OPRM1: variants seen among roughly 807,000 people sequenced by gnomAD.
The protein encoded by OPRM1 is mu-type opioid receptor.
Under a neutral mutation model 31.8 loss-of-function variants are expected in OPRM1, and 27 were observed. That is an observed-to-expected ratio of 0.85 (90% CI 0.63 to 1.17). The LOEUF is 1.17. Among genes scored for constraint, OPRM1 ranks in the 50% most tolerant of loss-of-function variants. The pLI is 0.00. For synonymous variants in OPRM1, 196 were observed against 189.9 expected, an observed-to-expected ratio of 1.03 and a Z score of -0.26; for missense variants, 536 against 511.1, an observed-to-expected ratio of 1.05 and a Z score of -0.47.
At chr6:154,233,173 T>G (rs1779858005) in intron 3 of OPRM1, among the ~76,000 whole-genome samples, 1 of 152,168 alleles carries the variant, frequency 6.6e-6, no homozygotes, top group South Asian at 2.1e-4. Context: ...TTCGCCATAT[T>G]GGCCAGACTG....
chr6:154,038,914 C>G (rs1018043435), upstream of OPRM1, among the ~76,000 whole-genome samples: 1 of 152,154 alleles, frequency 6.6e-6, no homozygotes, highest in Non-Finnish European at 1.5e-5. Flanking sequence ...ACGGAGGCAA[C>G]AAGGACTGCA....
chr6:154,116,514 G>A (rs1266914775), intron 3 of OPRM1, among the ~76,000 whole-genome samples: 1 of 151,590 alleles, frequency 6.6e-6, no homozygotes, highest in Admixed American at 6.6e-5. Flanking sequence ...GAATCTGGGA[G>A]GTGGAGGTTG....
intron 3 of OPRM1, among the ~76,000 whole-genome samples, chr6:154,103,850 C>G (rs952680308): frequency 2.0e-5 from 3 of 152,132 alleles, no homozygotes; most frequent in Non-Finnish European, 4.4e-5. Flanking sequence ...TTTTGGCCGG[C>G]TCCTTTACTG....
intron 3 of OPRM1, among the ~76,000 whole-genome samples, chr6:154,229,776 G>T (rs1341810935): frequency 6.6e-6 from 1 of 152,174 alleles, no homozygotes; most frequent in Non-Finnish European, 1.5e-5. Context: ...CATGCAAATC[G>T]TTATAACAGC....
At chr6:154,108,137 G>A (rs1300920768) in intron 3 of OPRM1, 10 of 564,556 alleles carry the variant, frequency 1.8e-5, no homozygotes, top group South Asian at 8.2e-5. Flanking sequence ...CATCGCCTAC[G>A]GGCCAAGCTG....
chr6:154,209,823 GA>G (rs968176404), intron 3 of OPRM1, among the ~76,000 whole-genome samples: 80 of 151,830 alleles, frequency 5.3e-4, no homozygotes, highest in Middle Eastern at 3.4e-3. Context: ...TTCTAAGGGG[GA>G]AAAAAAATCT....
chr6:154,030,334 T>C (rs1015433212), intron 1 of OPRM1, among the ~76,000 whole-genome samples: 3 of 152,190 alleles, frequency 2.0e-5, no homozygotes, highest in Admixed American at 2.0e-4. Flanking sequence ...CTGGGGATTT[T>C]AGAACTTTTC....
At chr6:154,213,005 G>T (rs1284847112) in intron 3 of OPRM1, 1 of 629,968 alleles carries the variant, frequency 1.6e-6, no homozygotes, top group Non-Finnish European at 2.9e-6. Context: ...ACTACCTGGT[G>T]CAAAGGAATT....
At chr6:154,228,628 A>G (rs1779461349) in intron 3 of OPRM1, among the ~76,000 whole-genome samples, 1 of 152,196 alleles carries the variant, frequency 6.6e-6, no homozygotes, top group South Asian at 2.1e-4. Flanking sequence ...ACATATTTTT[A>G]TGAAAATGGC....
Position 154,039,253 on chromosome 6 carries a change from A to G in OPRM1, c.-292A>G, listed in dbSNP as rs1779525332. 6.4e-7 allele frequency: 1 copy of G among 1,551,392 alleles called. No homozygotes were observed. Among genetic ancestry groups the G allele is most frequent in the Admixed American group, 2.0e-5 (1 of 50,972 alleles). ...CCCTTTTCCCTCCTCCCTCCCTTCC[A>G]GCCTCCGAATCCCGCATGGCCCACG... On this transcript the variant is annotated 5_prime_UTR_variant, in exon 1 of 4. Transcript: ENST00000330432.
At chr6:154,116,596 A>AAAAAAG (rs1478193514) in intron 3 of OPRM1, among the ~76,000 whole-genome samples, 2 of 151,898 alleles carry the variant, frequency 1.3e-5, no homozygotes, top group African/African-American at 4.8e-5. Flanking sequence ...AAAAAAAAAA[A>AAAAAAG]AAAAGAAAAG....
chr6:154,203,673 G>A (rs1213110732), intron 3 of OPRM1, among the ~76,000 whole-genome samples: 2 of 152,148 alleles, frequency 1.3e-5, no homozygotes, highest in African/African-American at 4.8e-5. Context: ...ACCAAGGGAT[G>A]ACTGGATTGC....
At chr6:154,175,078 T>TA (rs1800202317) in intron 3 of OPRM1, among the ~76,000 whole-genome samples, 1 of 152,056 alleles carries the variant, frequency 6.6e-6, no homozygotes, top group African/African-American at 2.4e-5. Flanking sequence ...GACTACTGGG[T>TA]AAATAACAAA....
rs140051705 is a variant in OPRM1, at chr6:154,113,942, A to T, written c.1165-4741A>T. On this transcript the variant is annotated intron_variant, in intron 3 of 3. Transcript: ENST00000330432. ...CCCCAATGAAGTGGCGAGTGGTGCC[A>T]GGGAAGCAGTGAGTCCAGGATGCCA... Among the ~76,000 whole-genome samples, 1,003 of 152,282 alleles carry T rather than the reference A, an allele frequency of 6.6e-3. 6 individuals carry two copies. The highest frequency in any genetic ancestry group is 0.023 in the African/African-American group (959 of 41,570).
chr6:154,113,893 C>T (rs1452035902), intron 3 of OPRM1, among the ~76,000 whole-genome samples: 2 of 152,144 alleles, frequency 1.3e-5, no homozygotes, highest in African/African-American at 2.4e-5. Context: ...CCTCTGAGCA[C>T]CTCCAGGGTC....
chr6:154,149,617 TGTGC>T (rs761428573), intron 3 of OPRM1, among the ~76,000 whole-genome samples: 1 of 149,992 alleles, frequency 6.7e-6, no homozygotes, highest in Admixed American at 6.6e-5. Context: ...TGTGTGTGTG[TGTGC>T]GCGCGTGTGT....
In OPRM1 at chr6:154,064,163, A is replaced by T. The variant is rs568371292; in HGVS notation, c.290+24329A>T. 1.6e-4 allele frequency among the ~76,000 whole-genome samples: 25 copies of T among 152,254 alleles called. 1 individual carries two copies. Among genetic ancestry groups the T allele is most frequent in the Admixed American group, 1.2e-3 (19 of 15,306 alleles). On this transcript the variant is annotated intron_variant, in intron 1 of 3. Transcript: ENST00000330432. ...GTTATTTTCTGCTTTATTTAATAGT[A>T]ATATTCCTAATGAATGTGAGGAGGT...
Position 154,127,405 on chromosome 6 carries a change from G to GT in OPRM1, c.*8684_*8685insT, listed in dbSNP as rs761612313. ...TTGCCTACTCTTCAAGGGTTTAGGGGCTTAGGGGGAGGTTTTGTTTGGGTT... is the reference window on the plus strand; with the variant it reads ...TTGCCTACTCTTCAAGGGTTTAGGGGTCTTAGGGGGAGGTTTTGTTTGGGTT... On this transcript the variant is annotated 3_prime_UTR_variant, in exon 4 of 4. Coordinates refer to ENST00000330432, the MANE Select transcript of OPRM1 (RefSeq NM_000914.5). Among the ~76,000 whole-genome samples the GT allele has an allele frequency of 5.9e-5, 9 of 152,166 alleles. No individual in the cohort carries two copies. The highest frequency in any genetic ancestry group is 1.0e-4 in the Non-Finnish European group (7 of 68,042).
At chr6:154,030,071 A>T (rs755996708) in intron 1 of OPRM1, among the ~76,000 whole-genome samples, 1 of 151,954 alleles carries the variant, frequency 6.6e-6, no homozygotes, top group African/African-American at 2.4e-5. Flanking sequence ...CCAGTCTCAG[A>T]TATGTTTTAT....
Sources: allele counts gnomAD v4.1 joint callset (sites outside exome capture counted in the v4.1 genomes callset), GRCh38; gene constraint gnomAD v4.1.1; transcripts MANE v1.5; gene names NCBI Gene and HGNC (gene_info 2026-07-23, HGNC 2026-07-21).